Variants in KCNJ6 observed in about 807,000 individuals in gnomAD.
KCNJ6 encodes potassium inwardly rectifying channel subfamily J member 6.
In KCNJ6, 9 loss-of-function variants were observed where a neutral mutation model predicts 34.2. That is an observed-to-expected ratio of 0.26 (90% CI 0.16 to 0.46). KCNJ6 has a LOEUF of 0.46. KCNJ6 is among the 20% of genes least tolerant of loss of function. KCNJ6 has a pLI of 1.00. For synonymous variants in KCNJ6, 196 were observed against 207.1 expected, an observed-to-expected ratio of 0.95 and a Z score of 0.46; for missense variants, 236 against 531.3, an observed-to-expected ratio of 0.44 and a Z score of 5.46.
chr21:37,678,071 T>A (rs1947753500), intron 3 of KCNJ6, among the ~76,000 whole-genome samples: 1 of 152,128 alleles, frequency 6.6e-6, no homozygotes, highest in African/African-American at 2.4e-5. Context: ...TTGAGTGTTA[T>A]GCACAAAGGC....
At chr21:37,868,632 C>T (rs1220668768) in intron 1 of KCNJ6, among the ~76,000 whole-genome samples, 1 of 152,152 alleles carries the variant, frequency 6.6e-6, no homozygotes, top group African/African-American at 2.4e-5. Flanking sequence ...CATGTTTACA[C>T]AAAGGGAAGA....
rs920306208 is a variant in KCNJ6 at position 37,609,111 on chromosome 21, C to T, written c.*16048G>A. 3.9e-5 allele frequency: 6 copies of T among 152,274 alleles called. No individual in the cohort carries two copies. Among genetic ancestry groups the T allele is most frequent in the Admixed American group, 2.6e-4 (4 of 15,302 alleles). 9.4% of individuals were successfully genotyped at this position (152,274 alleles called of 1,614,324 possible). A position where few individuals can be genotyped will look rare whatever the true frequency, so the allele number is the denominator to read the frequency against. On this transcript the variant is annotated 3_prime_UTR_variant, in exon 4 of 4. Transcript: ENST00000609713. ...AAGTTCCTGAAAAAATTTCTGGAGA[C>T]AAAGTTGAGGATCAAGTATCATCTG...
At chr21:37,884,473 C>G (rs16995612) in intron 1 of KCNJ6, among the ~76,000 whole-genome samples, 1 of 152,050 alleles carries the variant, frequency 6.6e-6, no homozygotes, top group Non-Finnish European at 1.5e-5. Flanking sequence ...TCTCTCTGCC[C>G]GCATCTGTAG....
intron 1 of KCNJ6, among the ~76,000 whole-genome samples, chr21:37,844,902 C>T (rs2055498768): frequency 6.6e-6 from 1 of 152,314 alleles, no homozygotes; most frequent in East Asian, 1.9e-4. Flanking sequence ...AAAGCCCCAT[C>T]TCAATAGCCT....
chr21:37,639,709 C>G (rs2054372807), intron 3 of KCNJ6, among the ~76,000 whole-genome samples: 1 of 152,110 alleles, frequency 6.6e-6, no homozygotes, highest in Non-Finnish European at 1.5e-5. Flanking sequence ...GATTTGTGTC[C>G]CTGCCCAAAT....
intron 2 of KCNJ6, among the ~76,000 whole-genome samples, chr21:37,839,552 A>C (rs2055468580): frequency 6.6e-6 from 1 of 152,218 alleles, no homozygotes; most frequent in Admixed American, 6.5e-5. Flanking sequence ...TGCACAGTTA[A>C]ATGTGGGCAA....
chr21:37,735,992 C>T (rs891202340), intron 2 of KCNJ6, among the ~76,000 whole-genome samples: 8 of 151,180 alleles, frequency 5.3e-5, no homozygotes, highest in East Asian at 1.9e-4. Context: ...TCTCCCCCTC[C>T]GGGCTCTGAC....
intron 1 of KCNJ6, among the ~76,000 whole-genome samples, chr21:37,881,411 C>T (rs1485759338): frequency 1.3e-5 from 2 of 152,050 alleles, no homozygotes; most frequent in African/African-American, 4.8e-5. Context: ...GGCTCCTTTC[C>T]TAGCCTATAG....
rs754174195 is a variant in KCNJ6, at chr21:37,625,110, G to A, written c.*49C>T. The A allele has an allele frequency of 7.9e-7, 1 of 1,272,462 alleles. No individual in the cohort carries two copies. The highest frequency in any genetic ancestry group is 1.3e-5 in the South Asian group (1 of 76,468). The allele number at this position is 1,272,462 out of a possible 1,614,324, so 78.8% of individuals were successfully genotyped here. On this transcript the variant is annotated 3_prime_UTR_variant, in exon 4 of 4. Coordinates refer to ENST00000609713, the MANE Select transcript of KCNJ6 (RefSeq NM_002240.5). Reference sequence around the variant, plus strand: ...GAAAAAGAAAGAGAATGAGAGACAAGGAAAGATTGTGTTGGGGGGAGAAGA... The same window carrying A: ...GAAAAAGAAAGAGAATGAGAGACAAAGAAAGATTGTGTTGGGGGGAGAAGA...
chr21:37,797,241 G>T (rs184344308), intron 2 of KCNJ6, among the ~76,000 whole-genome samples: 9 of 151,904 alleles, frequency 5.9e-5, no homozygotes, highest in Non-Finnish European at 1.2e-4. Context: ...AGTAGAGATG[G>T]GGTTTTGCCA....
intron 2 of KCNJ6, among the ~76,000 whole-genome samples, chr21:37,779,018 C>T (rs1393783374): frequency 6.6e-6 from 1 of 152,108 alleles, no homozygotes; most frequent in African/African-American, 2.4e-5. Flanking sequence ...TCTATTGCTT[C>T]ATCTCAGGGC....
rs1195052611 is a variant in KCNJ6, at chr21:37,611,098, A to G, written c.*14061T>C. ...CCATAAGTCTCAAGGCATGCTAACT[A>G]AGAAAAAAAGAGAAAGAACACAAAT... On this transcript the variant is annotated 3_prime_UTR_variant, in exon 4 of 4. Coordinates refer to ENST00000609713, the MANE Select transcript of KCNJ6 (RefSeq NM_002240.5). The G allele has an allele frequency of 6.6e-6, 1 of 152,210 alleles. No individual in the cohort carries two copies. 9.4% of individuals were successfully genotyped at this position (152,210 alleles called of 1,614,324 possible).
At chr21:37,832,915 C>T (rs1325153024) in intron 2 of KCNJ6, among the ~76,000 whole-genome samples, 1 of 152,192 alleles carries the variant, frequency 6.6e-6, no homozygotes, top group Non-Finnish European at 1.5e-5. Context: ...AATTCTGTCG[C>T]CCCTTTCCAT....
At chr21:37,645,414 T>G (rs535891803) in intron 3 of KCNJ6, among the ~76,000 whole-genome samples, 1 of 152,042 alleles carries the variant, frequency 6.6e-6, no homozygotes, top group African/African-American at 2.4e-5. Context: ...AACAAGCTCC[T>G]TACAGAGTGA....
chr21:37,703,692 C>A (rs2054703918), intron 3 of KCNJ6, among the ~76,000 whole-genome samples: 1 of 152,200 alleles, frequency 6.6e-6, no homozygotes, highest in African/African-American at 2.4e-5. Flanking sequence ...CCACCACCTT[C>A]CTGGGTCATG....
At chr21:37,895,283 C>CTT (rs1365648658) in intron 1 of KCNJ6, among the ~76,000 whole-genome samples, 1 of 152,172 alleles carries the variant, frequency 6.6e-6, no homozygotes, top group African/African-American at 2.4e-5. Flanking sequence ...CTTATCTTGC[C>CTT]AACTTTAGCT....
chr21:37,676,682 G>A (rs912758621), intron 3 of KCNJ6, among the ~76,000 whole-genome samples: 2 of 152,246 alleles, frequency 1.3e-5, no homozygotes, highest in Non-Finnish European at 2.9e-5. Flanking sequence ...GCAGGGTTGT[G>A]TTGGCCCAAG....
At chr21:37,753,945 T>G (rs1330327485) in intron 2 of KCNJ6, among the ~76,000 whole-genome samples, 1 of 152,204 alleles carries the variant, frequency 6.6e-6, no homozygotes, top group Non-Finnish European at 1.5e-5. Flanking sequence ...GCTGGGCCCT[T>G]GAGCATGTGC....
intron 2 of KCNJ6, among the ~76,000 whole-genome samples, chr21:37,762,997 A>G (rs2835945): frequency 0.65 from 98,412 of 152,038 alleles, 33,158 homozygotes; most frequent in African/African-American, 0.83. Flanking sequence ...AGTGAACACA[A>G]GCAGATGAAA....
Sources: gnomAD v4.1 joint callset for allele counts (sites outside exome capture counted in the v4.1 genomes callset) on GRCh38, gnomAD v4.1.1 for gene constraint, MANE v1.5 for transcripts, NCBI Gene and HGNC (gene_info 2026-07-23, HGNC 2026-07-21) for gene names.